CHST8: variants seen among roughly 807,000 people sequenced by gnomAD.
CHST8 encodes the protein GALNAC-4-ST1.
CHST8 carries 10 observed loss-of-function variants against 15.0 expected under a neutral mutation model. The observed-to-expected ratio is 0.67, with a 90% CI of 0.41 to 1.13. The LOEUF is 1.13. Ranked by LOEUF, CHST8 falls within the 50% of genes most tolerant of loss-of-function variation. The pLI, the probability that CHST8 is intolerant of heterozygous loss-of-function variation, is 0.00. For missense variants in CHST8, 634 were observed against 608.2 expected, an observed-to-expected ratio of 1.04 and a Z score of -0.45; for synonymous variants, 259 against 256.6, an observed-to-expected ratio of 1.01 and a Z score of -0.09.
At chr19:33,756,010 C>T (rs137983861) in intron 3 of CHST8, among the ~76,000 whole-genome samples, 3,225 of 152,204 alleles carry the variant, frequency 0.021, 54 homozygotes, top group East Asian at 0.028. Context: ...AGCTCCTCCA[C>T]CCCCACCCAG....
intron 1 of CHST8, among the ~76,000 whole-genome samples, chr19:33,644,018 C>T (rs560930589): frequency 1.3e-5 from 2 of 152,248 alleles, no homozygotes; most frequent in Admixed American, 6.5e-5. Context: ...CTGCAACCTC[C>T]ACCTCCTGGG....
In CHST8 at chr19:33,772,606, A is replaced by G. The variant is rs759940387; in HGVS notation, c.818A>G (p.Glu273Gly). The G allele has an allele frequency of 3.7e-6, 6 of 1,614,006 alleles. No homozygotes were observed. In the Admixed American group the frequency reaches 1.0e-4, roughly 27 times the overall value. Residue 273 changes from glutamate (E) to glycine (G), a missense_variant, in exon 5 of 5, where the codon GAG (glutamate) becomes GGG (glycine). Physicochemically the swap from Glu to Gly is moderately conservative, Grantham distance 98. Transcript: ENST00000650847. The stretch of plus-strand genomic sequence containing the variant: ...GTGTCCGCCTTCCGCGACAAGTTTG[A>G]GCACCCCAACAGCTACTATCACCCG... ...RLVSAFRDKFEHPNSYYHPVF... is the reference protein window; with the variant it reads ...RLVSAFRDKFGHPNSYYHPVF...
At chr19:33,706,825 A>T (rs1209295059) in intron 3 of CHST8, among the ~76,000 whole-genome samples, 1 of 152,262 alleles carries the variant, frequency 6.6e-6, no homozygotes, top group Non-Finnish European at 1.5e-5. Flanking sequence ...TGTACAACAC[A>T]CAGAGCTTGC....
At chr19:33,682,022 A>G (rs1201188875) in intron 2 of CHST8, among the ~76,000 whole-genome samples, 1 of 151,268 alleles carries the variant, frequency 6.6e-6, no homozygotes, top group East Asian at 1.9e-4. Flanking sequence ...TGCCTGGCTA[A>G]TTTTTGTATT....
intron 3 of CHST8, among the ~76,000 whole-genome samples, chr19:33,768,380 G>A (rs967721873): frequency 6.6e-6 from 1 of 152,160 alleles, no homozygotes; most frequent in African/African-American, 2.4e-5. Flanking sequence ...TTTGAGACCA[G>A]CCTGGACAAC....
chr19:33,622,326 G>A (rs1294125951), intron 1 of CHST8, 30 bp downstream of exon 1: 1 of 152,150 alleles, frequency 6.6e-6, no homozygotes, highest in Admixed American at 6.5e-5. Flanking sequence ...CCCCACCCCT[G>A]TTCCCGCCCT....
Position 33,772,116 on chromosome 19 carries a change from C to G in CHST8, c.328C>G (p.Arg110Gly). ...QRGTRLRLRQ[R>G]RRRLLIKKMP... is the part of the protein sequence containing the mutation. ...GGGAACCCGTCTGCGGCTCCGCCAG[C>G]GCCGTCGCCGTCTGCTCATCAAGAA... Residue 110 changes from arginine (R) to glycine (G), a missense_variant, in exon 5 of 5, where the codon CGC becomes GGC. Physicochemically the swap from Arg to Gly is moderately radical, Grantham distance 125. Transcript: ENST00000650847. The G allele has an allele frequency of 6.2e-7, 1 of 1,610,626 alleles. No homozygotes were observed. The highest frequency in any genetic ancestry group is 8.5e-7 in the Non-Finnish European group (1 of 1,178,942).
chr19:33,622,498 C>A (rs543157405), intron 1 of CHST8, among the ~76,000 whole-genome samples: 61 of 152,308 alleles, frequency 4.0e-4, no homozygotes, highest in South Asian at 1.0e-3. Flanking sequence ...GGACCGGCCC[C>A]GGTAGCGGGA....
intron 1 of CHST8, among the ~76,000 whole-genome samples, chr19:33,658,170 T>C (rs555009035): frequency 2.0e-5 from 3 of 152,274 alleles, no homozygotes; most frequent in Admixed American, 2.0e-4. Context: ...TAAAAGCCTG[T>C]CTCTACCACA....
intron 3 of CHST8, among the ~76,000 whole-genome samples, chr19:33,735,316 G>T (rs1438282981): frequency 6.6e-6 from 1 of 152,358 alleles, no homozygotes; most frequent in African/African-American, 2.4e-5. Flanking sequence ...TTAGCAATCA[G>T]GTTTCAGGAG....
chr19:33,644,854 C>G (rs756017143), intron 1 of CHST8, among the ~76,000 whole-genome samples: 1 of 152,114 alleles, frequency 6.6e-6, no homozygotes, highest in South Asian at 2.1e-4. Context: ...AGGGAAGGGT[C>G]AAGGTGGGCC....
At chr19:33,646,355 G>A (rs1028146748) in intron 1 of CHST8, among the ~76,000 whole-genome samples, 4 of 152,052 alleles carry the variant, frequency 2.6e-5, no homozygotes, top group African/African-American at 9.7e-5. Context: ...TCCGGGTGGG[G>A]GTCACAAGAT....
intron 3 of CHST8, among the ~76,000 whole-genome samples, chr19:33,730,200 G>A (rs1973969998): frequency 6.6e-6 from 1 of 152,190 alleles, no homozygotes; most frequent in Non-Finnish European, 1.5e-5. Context: ...AACCCGGCGT[G>A]CAATTCTTGC....
intron 3 of CHST8, among the ~76,000 whole-genome samples, chr19:33,700,390 A>G (rs1973308074): frequency 6.6e-6 from 1 of 152,224 alleles, no homozygotes; most frequent in Non-Finnish European, 1.5e-5. Context: ...GTTTCTAAAC[A>G]ATGCACCTGC....
chr19:33,756,614 C>T (rs1329441494), intron 3 of CHST8, among the ~76,000 whole-genome samples: 1 of 152,180 alleles, frequency 6.6e-6, no homozygotes, highest in African/African-American at 2.4e-5. Flanking sequence ...CCCTGACTCA[C>T]CAAACCCTCT....
intron 3 of CHST8, among the ~76,000 whole-genome samples, chr19:33,692,117 C>T (rs1973109093): frequency 6.6e-6 from 1 of 151,676 alleles, no homozygotes. Context: ...TAGGGGGTTG[C>T]CAGACTTTTG....
intron 3 of CHST8, among the ~76,000 whole-genome samples, chr19:33,752,685 T>C (rs1456599511): frequency 6.6e-6 from 1 of 152,142 alleles, no homozygotes; most frequent in Non-Finnish European, 1.5e-5. Flanking sequence ...TGGACTCTGA[T>C]TGTGGCAATT....
At chr19:33,741,350 A>G (rs1370707152) in intron 3 of CHST8, among the ~76,000 whole-genome samples, 2 of 152,218 alleles carry the variant, frequency 1.3e-5, no homozygotes, top group East Asian at 1.9e-4. Flanking sequence ...TGTTGGGTTT[A>G]TATTATGACA....
intron 1 of CHST8, among the ~76,000 whole-genome samples, chr19:33,665,368 G>T (rs1458118002): frequency 6.6e-6 from 1 of 152,160 alleles, no homozygotes; most frequent in Admixed American, 6.5e-5. Flanking sequence ...GGACAAAAAG[G>T]TCACTGTGGA....
Sources: gnomAD v4.1 joint callset for allele counts (sites outside exome capture counted in the v4.1 genomes callset) on GRCh38, gnomAD v4.1.1 for gene constraint, MANE v1.5 for transcripts, NCBI Gene and HGNC (gene_info 2026-07-23, HGNC 2026-07-21) for gene names.